Variants in CMC1 observed in about 807,000 individuals in gnomAD.
CMC1 encodes C-X9-C motif containing 1, also known as COX assembly mitochondrial protein homolog.
Under a neutral mutation model 14.1 loss-of-function variants are expected in CMC1, and 14 were observed. The ratio of observed to expected loss-of-function variants is 0.99; its 90% CI spans 0.66 to 1.55. The LOEUF (loss-of-function observed/expected upper bound fraction) is 1.55. CMC1 is among the 40% of genes most tolerant of loss of function. The pLI, the probability that CMC1 is intolerant of heterozygous loss-of-function variation, is 0.00. For synonymous variants in CMC1, 50 were observed against 38.4 expected (o/e 1.30, Z -1.12); for missense variants, 127 against 123.8 (o/e 1.03, Z -0.12).
intron 2 of CMC1, among the ~76,000 whole-genome samples, chr3:28,296,031 A>C (rs1202413501): frequency 6.6e-6 from 1 of 152,096 alleles, no homozygotes; most frequent in Admixed American, 6.6e-5. Context: ...GTTTCTTTTC[A>C]CCTGGTCCAT....
chr3:28,254,979 A>G (rs1367972501), intron 1 of CMC1, among the ~76,000 whole-genome samples: 7 of 152,202 alleles, frequency 4.6e-5, no homozygotes, highest in African/African-American at 1.2e-4. Flanking sequence ...TTTCCACTCT[A>G]CAAGATGTGT....
At chr3:28,272,533 C>T (rs1700350402) in intron 2 of CMC1, among the ~76,000 whole-genome samples, 1 of 152,092 alleles carries the variant, frequency 6.6e-6, no homozygotes, top group Admixed American at 6.5e-5. Flanking sequence ...TATTGATTTG[C>T]ATGTGTTGAA....
intron 2 of CMC1, among the ~76,000 whole-genome samples, chr3:28,274,212 G>GTTTTTTTTGTTTTTTTTTT (rs376321066): frequency 3.4e-5 from 3 of 88,198 alleles, no homozygotes; most frequent in Admixed American, 1.3e-4. Context: ...AAGTGTTTTT[G>GTTTTTTTTGTTTTTTTTTT]TTTTTTTCTT....
intron 2 of CMC1, among the ~76,000 whole-genome samples, chr3:28,265,642 C>T (rs1699969795): frequency 6.6e-6 from 1 of 151,812 alleles, no homozygotes; most frequent in African/African-American, 2.4e-5. Flanking sequence ...CATTTCAACC[C>T]AGCTGATCAT....
chr3:28,288,696 T>G (rs890867527), intron 2 of CMC1, among the ~76,000 whole-genome samples: 1 of 152,008 alleles, frequency 6.6e-6, no homozygotes, highest in African/African-American at 2.4e-5. Flanking sequence ...AGCTGCTTCA[T>G]TGCAAATGTA....
At chr3:28,249,207 AG>A (rs1699001418) in intron 1 of CMC1, among the ~76,000 whole-genome samples, 1 of 152,248 alleles carries the variant, frequency 6.6e-6, no homozygotes, top group South Asian at 2.1e-4. Context: ...ACAGATCAAA[AG>A]ATATGTTAAT....
At position 28,324,465 on chromosome 3, in the gene CMC1, AAC is replaced by A. The variant is rs1477217156; in HGVS notation, c.*4840_*4841del. 6.9e-7 allele frequency: 1 copy of A among 1,451,612 alleles called. No individual in the cohort carries two copies. The highest frequency in any genetic ancestry group is 2.3e-5 in the East Asian group (1 of 43,282). The allele number at this position is 1,451,612 out of a possible 1,614,324, so 89.9% of individuals were successfully genotyped here. On this transcript the variant is annotated 3_prime_UTR_variant, in exon 4 of 4. Coordinates refer to ENST00000466830, the MANE Select transcript of CMC1 (RefSeq NM_182523.2). Reference sequence around the variant, plus strand: ...CTACAGGGGCACAGGCTAAAAAGAAAACACAGACTAAATGTCAGTTTTCATTA... The same window carrying A: ...CTACAGGGGCACAGGCTAAAAAGAAAACAGACTAAATGTCAGTTTTCATTA...
intron 2 of CMC1, among the ~76,000 whole-genome samples, chr3:28,278,184 C>T (rs532186830): frequency 1.6e-5 from 2 of 126,978 alleles, no homozygotes; most frequent in Non-Finnish European, 3.4e-5. Flanking sequence ...GTAGAGGCAA[C>T]AGAGAAAGAG....
intron 1 of CMC1, among the ~76,000 whole-genome samples, chr3:28,256,059 A>G (rs953795773): frequency 6.6e-6 from 1 of 152,168 alleles, no homozygotes; most frequent in Non-Finnish European, 1.5e-5. Flanking sequence ...ACATGCACAC[A>G]TACATACACC....
chr3:28,283,551 C>CAAAAAAAAAAAAAAA (rs5847510), intron 2 of CMC1, among the ~76,000 whole-genome samples: 5 of 118,274 alleles, frequency 4.2e-5, no homozygotes, highest in African/African-American at 1.3e-4. Context: ...ACAACAAAAA[C>CAAAAAAAAAAAAAAA]AAAAAAAAAA....
rs1246370166 is a variant in CMC1, at chr3:28,322,341, A to G, written c.*2712A>G. 6.6e-6 allele frequency: 1 copy of G among 151,370 alleles called. No homozygotes were observed. The highest frequency in any genetic ancestry group is 6.6e-5 in the Admixed American group (1 of 15,130). 9.4% of individuals were successfully genotyped at this position (151,370 alleles called of 1,614,324 possible). A position where few individuals can be genotyped will look rare whatever the true frequency, so the allele number is the denominator to read the frequency against. On this transcript the variant is annotated 3_prime_UTR_variant, in exon 4 of 4. Transcript: ENST00000466830. ...TTTGAGATCTATAGGCAAGGACAAT[A>G]TTTCACATCCACTTCAATTTCAAAC...
Position 28,323,654 on chromosome 3 carries a change from CAT to C in CMC1, c.*4026_*4027del, listed in dbSNP as rs1295354590. The stretch of plus-strand genomic sequence containing the variant: ...TGTTCCATTATGCAATTTGAAGAAA[CAT>C]GTTTTCCTTTTATTTTTATGAACAG... On this transcript the variant is annotated 3_prime_UTR_variant, in exon 4 of 4. Coordinates refer to ENST00000466830, the MANE Select transcript of CMC1 (RefSeq NM_182523.2). 1 of 157,032 alleles carries C rather than the reference CAT, an allele frequency of 6.4e-6. No homozygotes were observed. Among genetic ancestry groups the C allele is most frequent in the African/African-American group, 2.4e-5 (1 of 41,464 alleles). The allele number at this position is 157,032 out of a possible 1,614,324, so 9.7% of individuals were successfully genotyped here.
At chr3:28,304,705 A>T (rs1702222210) in intron 2 of CMC1, among the ~76,000 whole-genome samples, 1 of 152,220 alleles carries the variant, frequency 6.6e-6, no homozygotes, top group South Asian at 2.1e-4. Flanking sequence ...CAAATAATTT[A>T]TAGAAGAATG....
intron 1 of CMC1, among the ~76,000 whole-genome samples, chr3:28,243,598 T>C (rs931395199): frequency 3.3e-5 from 5 of 152,260 alleles, no homozygotes; most frequent in African/African-American, 1.2e-4. Context: ...GAGTCAAGTC[T>C]GGTTAGAACC....
At position 28,316,384 on chromosome 3, in the gene CMC1, G is replaced by C. The variant is rs368173219; in HGVS notation, c.161G>C (p.Arg54Pro). 6.9e-6 allele frequency: 11 copies of C among 1,597,070 alleles called. No homozygotes were observed. The highest frequency in any genetic ancestry group is 8.5e-6 in the Non-Finnish European group (10 of 1,173,206). The change falls in exon 3 of 4, where the codon CGG becomes CCG. Residue 54 changes from arginine to proline, a missense_variant. Arg to Pro is a moderately radical substitution (Grantham distance 103). Transcript: ENST00000466830. ...NSGVLMVVKCRKENSALKECL... is the reference protein window; with the variant it reads ...NSGVLMVVKCPKENSALKECL... ...GGAGTTCTTATGGTAGTAAAATGCC[G>C]GAAAGAAAATTCTGCATTGAAAGAA...
chr3:28,301,191 CT>C (rs1256212216), intron 2 of CMC1, among the ~76,000 whole-genome samples: 10 of 152,058 alleles, frequency 6.6e-5, no homozygotes, highest in Non-Finnish European at 1.3e-4. Context: ...ATATGTTATT[CT>C]TTTCATGATT....
At chr3:28,311,460 A>G (rs187476718) in intron 2 of CMC1, among the ~76,000 whole-genome samples, 296 of 152,326 alleles carry the variant, frequency 1.9e-3, no homozygotes, top group African/African-American at 6.7e-3. Flanking sequence ...TATACAGAAT[A>G]ATGTGCTGTG....
intron 1 of CMC1, among the ~76,000 whole-genome samples, chr3:28,254,843 A>C (rs1699310191): frequency 6.6e-6 from 1 of 152,220 alleles, no homozygotes; most frequent in South Asian, 2.1e-4. Context: ...AATGTCTTCT[A>C]ATCTGTTTAG....
chr3:28,244,502 C>A (rs1473764200), intron 1 of CMC1, among the ~76,000 whole-genome samples: 1 of 152,114 alleles, frequency 6.6e-6, no homozygotes, highest in Non-Finnish European at 1.5e-5. Flanking sequence ...CCGAGGCAGG[C>A]AGATCGCATG....
Sources: gnomAD v4.1 joint callset for allele counts (sites outside exome capture counted in the v4.1 genomes callset) on GRCh38, gnomAD v4.1.1 for gene constraint, MANE v1.5 for transcripts, NCBI Gene and HGNC (gene_info 2026-07-23, HGNC 2026-07-21) for gene names.